NELL2: variants seen among roughly 807,000 people sequenced by gnomAD.
NELL2 encodes the protein protein kinase C-binding protein NELL2.
A neutral mutation model predicts 109.6 loss-of-function variants in NELL2; 41 were observed. That is an observed-to-expected ratio of 0.37 (90% CI 0.29 to 0.49). NELL2 has a LOEUF of 0.49. Among genes scored for constraint, NELL2 ranks in the 20% least tolerant of loss-of-function variants. The pLI is 0.98. For synonymous variants in NELL2, 355 were observed against 344.7 expected (o/e 1.03, Z -0.33); for missense variants, 900 against 1,008.3 (o/e 0.89, Z 1.45).
At chr12:44,890,298 T>C (rs1945519209) in intron 1 of NELL2, among the ~76,000 whole-genome samples, 1 of 152,182 alleles carries the variant, frequency 6.6e-6, no homozygotes, top group Admixed American at 6.5e-5. Flanking sequence ...GGCTGACTCT[T>C]AGTATTCACA....
chr12:44,580,860 T>C (rs1272435830), intron 15 of NELL2, among the ~76,000 whole-genome samples: 2 of 152,196 alleles, frequency 1.3e-5, no homozygotes, highest in African/African-American at 4.8e-5. Flanking sequence ...ATATAACAAA[T>C]GCCTATTTCT....
In NELL2 at chr12:44,703,782, A is replaced by G. The variant is rs373701195; in HGVS notation, c.1262T>C (p.Val421Ala). The G allele has an allele frequency of 6.2e-7, 1 of 1,613,398 alleles. No homozygotes were observed. Among genetic ancestry groups the G allele is most frequent in the African/African-American group, 1.3e-5 (1 of 74,854 alleles). Residue 421 changes from valine (V) to alanine (A), a missense_variant, in exon 12 of 20, where the codon GTT becomes GCT. Val to Ala is a moderately conservative substitution (Grantham distance 64). Transcript: ENST00000429094. ...CCTAAAACCATCTCGACAGCTACAAACAGCCCTGTCATTCAGATTTCTGCA... is the reference window on the plus strand; with the variant it reads ...CCTAAAACCATCTCGACAGCTACAAGCAGCCCTGTCATTCAGATTTCTGCA... ...SICRNLNDRA[V>A]CSCRDGFRAL...
Position 44,813,738 on chromosome 12 carries a change from C to T in NELL2, c.335+2248G>A, listed in dbSNP as rs1286233178. ...CATGATTGTATCAATTTTCCTATTT[C>T]TTTCTGTCAGTTTTCCAAATTTTTT... On this transcript the variant is annotated intron_variant, in intron 3 of 19. Transcript: ENST00000429094. Among the ~76,000 whole-genome samples, 5 of 152,236 alleles carry T rather than the reference C, an allele frequency of 3.3e-5. No homozygotes were observed. The East Asian group carries it at 9.6e-4, about 29-fold the overall frequency.
At chr12:44,791,224 A>ATATATATATATATATATC (rs1439301860) in intron 3 of NELL2, among the ~76,000 whole-genome samples, 3 of 95,110 alleles carry the variant, frequency 3.2e-5, no homozygotes, top group Non-Finnish European at 6.6e-5. Flanking sequence ...ATATATATAT[A>ATATATATATATATATATC]TATGATGGAA....
rs1205250920 is a variant in NELL2, at chr12:44,826,304, G to A, written c.185-10168C>T. Among the ~76,000 whole-genome samples, 3 of 152,018 alleles carry A rather than the reference G, an allele frequency of 2.0e-5. No individual in the cohort carries two copies. The East Asian group carries it at 5.8e-4, about 29-fold the overall frequency. ...AACTGTCTAATTTCAGACATAGAAT[G>A]GTTGACTTAAAATATTTCAAAACTC... On this transcript the variant is annotated intron_variant, in intron 2 of 19. Transcript: ENST00000429094.
intron 1 of NELL2, 45 bp downstream of exon 1, chr12:44,875,770 G>C: frequency 6.2e-7 from 1 of 1,612,222 alleles, no homozygotes; most frequent in East Asian, 2.2e-5. Flanking sequence ...CTGCCCCGAG[G>C]CGGGAGCCAT....
intron 2 of NELL2, among the ~76,000 whole-genome samples, chr12:44,849,979 G>C (rs796965188): frequency 1.1e-4 from 17 of 152,258 alleles, no homozygotes; most frequent in African/African-American, 4.1e-4. Context: ...GTGTGGGAGA[G>C]GTGGGAACTG....
At chr12:44,513,678 A>G (rs1032324498) in intron 19 of NELL2, among the ~76,000 whole-genome samples, 1 of 151,970 alleles carries the variant, frequency 6.6e-6, no homozygotes, top group African/African-American at 2.4e-5. Context: ...ATGGCAGAAG[A>G]AAAAGCCAGT....
At chr12:44,808,554 T>A (rs779521286) in intron 3 of NELL2, among the ~76,000 whole-genome samples, 6 of 151,954 alleles carry the variant, frequency 3.9e-5, no homozygotes, top group Non-Finnish European at 7.4e-5. Flanking sequence ...AAATTGGAGT[T>A]TGAAATTTTA....
At chr12:44,741,921 G>T (rs147727022) in intron 9 of NELL2, among the ~76,000 whole-genome samples, 1 of 152,182 alleles carries the variant, frequency 6.6e-6, no homozygotes, top group Non-Finnish European at 1.5e-5. Context: ...AGTAACCTCT[G>T]CAGACTTAAA....
chr12:44,552,794 C>G (rs1323895045), intron 15 of NELL2, among the ~76,000 whole-genome samples: 1 of 152,094 alleles, frequency 6.6e-6, no homozygotes, highest in African/African-American at 2.4e-5. Flanking sequence ...CTTTCAATGT[C>G]TTAAAGTTGT....
chr12:44,672,503 C>T (rs1237021519), intron 12 of NELL2, among the ~76,000 whole-genome samples: 1 of 152,176 alleles, frequency 6.6e-6, no homozygotes, highest in African/African-American at 2.4e-5. Flanking sequence ...CAAAACCAGT[C>T]CCTGGAGGCA....
At chr12:44,836,748 G>C (rs1438719168) in intron 2 of NELL2, among the ~76,000 whole-genome samples, 1 of 152,212 alleles carries the variant, frequency 6.6e-6, no homozygotes, top group Non-Finnish European at 1.5e-5. Context: ...TCATAGAACA[G>C]AGTGAGGGGT....
At chr12:44,621,966 G>A (rs1210216179) in intron 13 of NELL2, among the ~76,000 whole-genome samples, 1 of 151,946 alleles carries the variant, frequency 6.6e-6, no homozygotes, top group African/African-American at 2.4e-5. Context: ...ACGCTGTCAG[G>A]GATTGTTAAT....
intron 7 of NELL2, 136 bp downstream of exon 7, chr12:44,776,906 G>A: frequency 1.4e-6 from 1 of 697,442 alleles, no homozygotes; most frequent in South Asian, 1.9e-5. Context: ...TCCTTAAGCA[G>A]AGATTTAGAT....
chr12:44,793,793 T>A (rs1446048747), intron 3 of NELL2, among the ~76,000 whole-genome samples: 1 of 152,094 alleles, frequency 6.6e-6, no homozygotes, highest in Admixed American at 6.6e-5. Context: ...AAGGAAGATA[T>A]GTCAAAAGGA....
intron 9 of NELL2, among the ~76,000 whole-genome samples, chr12:44,718,209 C>G (rs991444134): frequency 6.6e-6 from 1 of 152,124 alleles, no homozygotes; most frequent in Non-Finnish European, 1.5e-5. Flanking sequence ...GAAAGCAGAT[C>G]GGGCCTATGC....
intron 9 of NELL2, among the ~76,000 whole-genome samples, chr12:44,761,593 G>A (rs1941128645): frequency 6.6e-6 from 1 of 152,054 alleles, no homozygotes; most frequent in Non-Finnish European, 1.5e-5. Flanking sequence ...ATTCACAACA[G>A]CAAAGTCATG....
intron 18 of NELL2, 136 bp from the exon 19 acceptor site, chr12:44,520,365 C>T (rs1941474138): frequency 3.0e-6 from 2 of 676,138 alleles, no homozygotes; most frequent in Non-Finnish European, 5.0e-6. Flanking sequence ...ATCTACAAAG[C>T]CCATGAATCT....
Sources: gnomAD v4.1 joint callset for allele counts (sites outside exome capture counted in the v4.1 genomes callset) on GRCh38, gnomAD v4.1.1 for gene constraint, MANE v1.5 for transcripts, NCBI Gene and HGNC (gene_info 2026-07-23, HGNC 2026-07-21) for gene names.